The following PCDHA2 variants were observed in gnomAD, a reference collection of about 807,000 sequenced individuals.
PCDHA2 encodes the protein protocadherin alpha-2.
PCDHA2 carries 58 observed loss-of-function variants against 66.0 expected under a neutral mutation model. That is an observed-to-expected ratio of 0.88 (90% confidence interval 0.71 to 1.09). PCDHA2 has a LOEUF of 1.09. Ranked by LOEUF, PCDHA2 falls within the 50% of genes least tolerant of loss-of-function variation. PCDHA2 has a pLI of 0.00. For missense variants in PCDHA2, 1,267 were observed against 1,242.3 expected (o/e 1.02, Z -0.30); for synonymous variants, 634 against 554.0 (o/e 1.14, Z -2.03).
chr5:140,928,132 C>T (rs1563101702), intron 1 of PCDHA2: 1 of 1,614,100 alleles, frequency 6.2e-7, no homozygotes, highest in Non-Finnish European at 8.5e-7. Flanking sequence ...ATACCAAGTC[C>T]TGATCACGGC....
chr5:140,892,943 AC>A (rs2063750109), intron 1 of PCDHA2, among the ~76,000 whole-genome samples: 1 of 152,088 alleles, frequency 6.6e-6, no homozygotes, highest in South Asian at 2.1e-4. Flanking sequence ...TAAGCACAAT[AC>A]TACTTCCATG....
At chr5:140,814,133 TACA>T (rs1334551555) in intron 1 of PCDHA2, 8 of 153,298 alleles carry the variant, frequency 5.2e-5, no homozygotes, top group African/African-American at 1.4e-4. Context: ...TGTACAGCTG[TACA>T]AAAATATTTT....
intron 1 of PCDHA2, among the ~76,000 whole-genome samples, chr5:140,932,017 G>GT (rs1385498128): frequency 2.6e-5 from 4 of 151,792 alleles, no homozygotes; most frequent in African/African-American, 9.7e-5. Context: ...TTAGTTTACG[G>GT]TAAGTTTACA....
rs1342551274 is a variant in PCDHA2, at chr5:140,871,604, T to C, written c.2388+74252T>C. 4 of 1,443,096 alleles carry C rather than the reference T, an allele frequency of 2.8e-6. No homozygotes were observed. In the African/African-American group the frequency reaches 4.3e-5, roughly 16 times the overall value. The allele number at this position is 1,443,096 out of a possible 1,614,324, so 89.4% of individuals were successfully genotyped here. A position where few individuals can be genotyped will look rare whatever the true frequency, so the allele number is the denominator to read the frequency against. On this transcript the variant is annotated intron_variant, in intron 1 of 3. Coordinates refer to ENST00000526136, the MANE Select transcript of PCDHA2 (RefSeq NM_018905.3). The stretch of plus-strand genomic sequence containing the variant: ...AAAGTTTTATGAATAACCAGTGTTT[T>C]GAATATTGTTTTAGATAACAATGTC...
rs546101434 is a variant in PCDHA2 at position 140,801,706 on chromosome 5, A to T, written c.2388+4354A>T. The T allele has an allele frequency of 6.6e-5, 106 of 1,614,180 alleles. No individual in the cohort carries two copies. The Admixed American group carries it at 1.8e-3, about 27-fold the overall frequency. On this transcript the variant is annotated intron_variant, in intron 1 of 3. Coordinates refer to ENST00000526136, the MANE Select transcript of PCDHA2 (RefSeq NM_018905.3). Reference sequence around the variant, plus strand: ...ATCGGAACAAATTCGTTGTTGACTTACAGTCTTGATTCCACTGAATATTTT... The same window carrying T: ...ATCGGAACAAATTCGTTGTTGACTTTCAGTCTTGATTCCACTGAATATTTT...
At chr5:140,969,058 TG>T in intron 1 of PCDHA2, 2 of 1,614,166 alleles carry the variant, frequency 1.2e-6, no homozygotes, top group Non-Finnish European at 1.7e-6. Context: ...ACAACAATAT[TG>T]ATGCCAGGAT....
chr5:140,891,744 A>G (rs2063231419), intron 1 of PCDHA2, among the ~76,000 whole-genome samples: 1 of 152,070 alleles, frequency 6.6e-6, no homozygotes, highest in South Asian at 2.1e-4. Context: ...AATCCCTTAT[A>G]CAACAGTGTT....
chr5:140,893,050 A>T (rs967159859), intron 1 of PCDHA2, among the ~76,000 whole-genome samples: 1 of 152,248 alleles, frequency 6.6e-6, no homozygotes, highest in Non-Finnish European at 1.5e-5. Context: ...CTCCAGGCTC[A>T]GCCATACTGC....
chr5:140,957,446 C>T (rs1357499949), intron 1 of PCDHA2, among the ~76,000 whole-genome samples: 2 of 152,216 alleles, frequency 1.3e-5, no homozygotes, highest in East Asian at 1.9e-4. Context: ...TTATAAATCA[C>T]ACTTTATCAT....
At chr5:140,917,340 T>TGGGGG (rs2078149834) in intron 1 of PCDHA2, among the ~76,000 whole-genome samples, 2 of 133,058 alleles carry the variant, frequency 1.5e-5, no homozygotes, top group African/African-American at 2.7e-5. Flanking sequence ...AGGGGGGGGA[T>TGGGGG]GGTGTAGGCT....
chr5:140,841,134 G>T, intron 1 of PCDHA2: 1 of 689,850 alleles, frequency 1.4e-6, no homozygotes. Flanking sequence ...ACCTTTTGAA[G>T]CCACATGATG....
At chr5:140,846,395 G>A (rs1168454910) in intron 1 of PCDHA2, among the ~76,000 whole-genome samples, 1 of 90,540 alleles carries the variant, frequency 1.1e-5, no homozygotes, top group Non-Finnish European at 2.1e-5. Flanking sequence ...TTTTTTTTGA[G>A]ACGGAGTCTC....
intron 1 of PCDHA2, chr5:140,824,302 G>T: frequency 1.2e-6 from 1 of 834,910 alleles, no homozygotes; most frequent in East Asian, 2.5e-5. Flanking sequence ...TTCTGCTGGG[G>T]TAATAGATTC....
chr5:140,829,574 G>A (rs2150170425), intron 1 of PCDHA2: 4 of 1,612,448 alleles, frequency 2.5e-6, no homozygotes, highest in Non-Finnish European at 3.4e-6. Context: ...CTACTCGCTG[G>A]TGGAGCGGCG....
rs1436841742 is a variant in PCDHA2, at chr5:140,852,718, G to A, written c.2388+55366G>A. 4.1e-6 allele frequency: 4 copies of A among 981,606 alleles called. 1 individual carries two copies. The highest frequency in any genetic ancestry group is 4.9e-6 in the Non-Finnish European group (4 of 814,578). 60.8% of individuals were successfully genotyped at this position (981,606 alleles called of 1,614,324 possible). ...CTTTCAAGTATCTTTGTCTTTGCAC[G>A]TTTTTCAAGTTTCATGTGCCATTTA... is the stretch of plus-strand genomic sequence containing the variant. On this transcript the variant is annotated intron_variant, in intron 1 of 3. Coordinates refer to ENST00000526136, the MANE Select transcript of PCDHA2 (RefSeq NM_018905.3).
intron 1 of PCDHA2, chr5:140,928,604 C>T: frequency 6.2e-7 from 1 of 1,614,198 alleles, no homozygotes; most frequent in Non-Finnish European, 8.5e-7. Context: ...GAAATTGTGC[C>T]CCGCTCTGCC....
At chr5:140,878,556 A>G (rs959852623) in intron 1 of PCDHA2, among the ~76,000 whole-genome samples, 3 of 152,156 alleles carry the variant, frequency 2.0e-5, no homozygotes, top group East Asian at 3.8e-4. Context: ...GATGATCCCA[A>G]ACTTATCATA....
At chr5:140,858,130 C>T in intron 1 of PCDHA2, 1 of 1,597,774 alleles carries the variant, frequency 6.3e-7, no homozygotes, top group Non-Finnish European at 8.6e-7. Flanking sequence ...TGGTGGATGT[C>T]AACGTGTACC....
chr5:140,849,752 C>T, intron 1 of PCDHA2: 1 of 1,598,394 alleles, frequency 6.3e-7, no homozygotes. Flanking sequence ...AGAGTGTGTC[C>T]GCCTACGAGC....
Sources: gnomAD v4.1 joint callset for allele counts (sites outside exome capture counted in the v4.1 genomes callset) on GRCh38, gnomAD v4.1.1 for gene constraint, MANE v1.5 for transcripts, NCBI Gene and HGNC (gene_info 2026-07-23, HGNC 2026-07-21) for gene names.